MRPS27: variants seen among roughly 807,000 people sequenced by gnomAD.
MRPS27 encodes small ribosomal subunit protein mS27.
Under a neutral mutation model 48.9 loss-of-function variants are expected in MRPS27, and 43 were observed. The observed-to-expected ratio is 0.88, with a 90% confidence interval of 0.69 to 1.13. The LOEUF is 1.13. MRPS27 is among the 50% of genes most tolerant of loss of function. The pLI, the probability that MRPS27 is intolerant of heterozygous loss-of-function variation, is 0.00. For missense variants in MRPS27, 467 were observed against 476.3 expected, an observed-to-expected ratio of 0.98 and a Z score of 0.18; for synonymous variants, 188 against 171.9, an observed-to-expected ratio of 1.09 and a Z score of -0.73.
At chr5:72,226,332 C>T in intron 8 of MRPS27, 133 bp from the exon 9 acceptor site, 2 of 1,004,954 alleles carry the variant, frequency 2.0e-6, no homozygotes, top group Non-Finnish European at 2.9e-6. Flanking sequence ...TAAATCTGTA[C>T]CAACAGACTC....
At chr5:72,223,966 C>T in intron 9 of MRPS27, 116 bp from the exon 10 acceptor site, 2 of 1,000,512 alleles carry the variant, frequency 2.0e-6, no homozygotes, top group Non-Finnish European at 2.9e-6. Context: ...ACTGTGAAAA[C>T]ATTTCTCTTA....
In MRPS27 at chr5:72,238,067, G is replaced by C; in HGVS notation, c.343C>G (p.Gln115Glu). 1 of 1,613,576 alleles carries C rather than the reference G, an allele frequency of 6.2e-7. No homozygotes were observed. The highest frequency in any genetic ancestry group is 8.5e-7 in the Non-Finnish European group (1 of 1,179,680). ...RNWTIHTWIRQCLKYDAQDKA... is the reference protein window; with the variant it reads ...RNWTIHTWIRECLKYDAQDKA... ...TCTTGTGCATCATATTTTAGACACTGCCTAATCCAGGTGTGGATAGTCCAG... is the reference window on the plus strand; with the variant it reads ...TCTTGTGCATCATATTTTAGACACTCCCTAATCCAGGTGTGGATAGTCCAG... Residue 115 changes from glutamine to glutamate, a missense_variant, in exon 5 of 11, where the codon CAG (glutamine) becomes GAG (glutamate). Physicochemically the swap from Gln to Glu is conservative, Grantham distance 29 (BLOSUM62 2). Transcript: ENST00000261413.
At chr5:72,275,968 C>T (rs998127261) in intron 4 of MRPS27, among the ~76,000 whole-genome samples, 4 of 150,858 alleles carry the variant, frequency 2.7e-5, no homozygotes, top group African/African-American at 9.8e-5. Context: ...CTGTGGCGTG[C>T]CTGGGCATTT....
intron 5 of MRPS27, among the ~76,000 whole-genome samples, chr5:72,236,921 T>C (rs1352737667): frequency 7.0e-6 from 1 of 143,408 alleles, no homozygotes; most frequent in Non-Finnish European, 1.5e-5. Context: ...TTTTCTTTTT[T>C]CCTTTTTTTT....
At chr5:72,224,614 G>T (rs1388917907) in intron 9 of MRPS27, among the ~76,000 whole-genome samples, 1 of 152,168 alleles carries the variant, frequency 6.6e-6, no homozygotes, top group Non-Finnish European at 1.5e-5. Context: ...CTGGATACAG[G>T]CAAGGGTCCC....
rs376523728 is a variant in MRPS27 at position 72,246,339 on chromosome 5, A to G, written c.282-8211T>C. Among the ~76,000 whole-genome samples, 12 of 152,346 alleles carry G rather than the reference A, an allele frequency of 7.9e-5. No individual in the cohort carries two copies. In the South Asian group the frequency reaches 1.2e-3, roughly 16 times the overall value. On this transcript the variant is annotated intron_variant, in intron 4 of 10. Transcript: ENST00000261413. ...AAGATGGCAGAGGAAGTGGAGTAGT[A>G]TGTGGTCATTGTGGAAAGCCACCTA...
At chr5:72,230,373 G>C (rs899849346) in intron 7 of MRPS27, among the ~76,000 whole-genome samples, 3 of 152,154 alleles carry the variant, frequency 2.0e-5, no homozygotes, top group Non-Finnish European at 4.4e-5. Context: ...TAAAAGAGTT[G>C]TCTATACCTC....
intron 2 of MRPS27, among the ~76,000 whole-genome samples, chr5:72,309,103 C>T (rs1228808002): frequency 6.6e-6 from 1 of 151,796 alleles, no homozygotes; most frequent in East Asian, 1.9e-4. Flanking sequence ...AACATCGATT[C>T]TGACTGGAGA....
chr5:72,280,401 T>G (rs1338240454), intron 4 of MRPS27, among the ~76,000 whole-genome samples: 1 of 152,126 alleles, frequency 6.6e-6, no homozygotes, highest in Non-Finnish European at 1.5e-5. Context: ...TTTTCCTTTA[T>G]AAGTATTTTT....
intron 4 of MRPS27, among the ~76,000 whole-genome samples, chr5:72,284,982 G>A (rs559811097): frequency 6.6e-6 from 1 of 152,270 alleles, no homozygotes; most frequent in Admixed American, 6.5e-5. Flanking sequence ...ATTCCTAGAG[G>A]TGGAATTATT....
At position 72,232,611 on chromosome 5, in the gene MRPS27, C is replaced by T. The variant is rs73125466; in HGVS notation, c.476-53G>A. 6.6e-3 allele frequency: 8,130 copies of T among 1,237,178 alleles called. 303 individuals carry two copies. The African/African-American group carries it at 0.085, about 13-fold the overall frequency. 76.6% of individuals were successfully genotyped at this position (1,237,178 alleles called of 1,614,324 possible). On this transcript the variant is annotated intron_variant, in intron 6 of 10. Coordinates refer to ENST00000261413, the MANE Select transcript of MRPS27 (RefSeq NM_015084.3). The stretch of plus-strand genomic sequence containing the variant: ...AGGAAATTAGTTGTAGGTAATATTA[C>T]TAAATCTCTATTTAACTATAAACAC...
In MRPS27 at chr5:72,313,353, G is replaced by A. The variant is rs1750488356; in HGVS notation, c.151+728C>T. Among the ~76,000 whole-genome samples, 3 of 152,252 alleles carry A rather than the reference G, an allele frequency of 2.0e-5. 1 individual carries two copies. The South Asian group carries it at 6.2e-4, about 32-fold the overall frequency. On this transcript the variant is annotated intron_variant, in intron 2 of 10. Coordinates refer to ENST00000261413, the MANE Select transcript of MRPS27 (RefSeq NM_015084.3). Reference sequence around the variant, plus strand: ...TGGGGGAATATATTAGATCAGCATAGGAATTGATCCAAAAATTACATCAGT... The same window carrying A: ...TGGGGGAATATATTAGATCAGCATAAGAATTGATCCAAAAATTACATCAGT...
chr5:72,270,653 T>C (rs1561347573), intron 4 of MRPS27, among the ~76,000 whole-genome samples: 1 of 152,164 alleles, frequency 6.6e-6, no homozygotes, highest in East Asian at 1.9e-4. Context: ...TCCCAATACA[T>C]TTTGTGACAT....
At chr5:72,228,621 C>T in intron 7 of MRPS27, 2 of 334,656 alleles carry the variant, frequency 6.0e-6, no homozygotes, top group East Asian at 9.2e-5. Context: ...TGGTTTTATT[C>T]CCTGTATATC....
chr5:72,294,128 CTACT>C (rs1436939914), intron 4 of MRPS27, among the ~76,000 whole-genome samples: 2 of 151,792 alleles, frequency 1.3e-5, no homozygotes, highest in African/African-American at 2.4e-5. Context: ...GGAATCTAGC[CTACT>C]TGAGGTTTAC....
At chr5:72,295,433 TAGA>T in intron 4 of MRPS27, 95 bp downstream of exon 4, 3 of 832,962 alleles carry the variant, frequency 3.6e-6, no homozygotes, top group Non-Finnish European at 5.9e-6. Context: ...AATATAAACT[TAGA>T]AGGTGTCAAA....
At position 72,289,891 on chromosome 5, in the gene MRPS27, C is replaced by A. The variant is rs147120714; in HGVS notation, c.281+5640G>T. On this transcript the variant is annotated intron_variant, in intron 4 of 10. Transcript: ENST00000261413. ...TCATACATCTCTAAACTACCATGGT[C>A]CCAACATGATTCGAAGGCCTATGTA... Among the ~76,000 whole-genome samples the A allele has an allele frequency of 3.1e-3, 475 of 152,152 alleles. 2 individuals are homozygous for A. The highest frequency in any genetic ancestry group is 9.4e-3 in the African/African-American group (392 of 41,492).
Position 72,223,646 on chromosome 5 carries a change from T to G in MRPS27, c.1005+37A>C. ...CACCACAGGAGAGAAGTGTGTTTTA[T>G]GCGCTGCTAAGAGAGACACGTTCTG... is the stretch of plus-strand genomic sequence containing the variant. On this transcript the variant is annotated intron_variant, in intron 10 of 10. Coordinates refer to ENST00000261413, the MANE Select transcript of MRPS27 (RefSeq NM_015084.3). 7.5e-6 allele frequency: 12 copies of G among 1,610,028 alleles called. No homozygotes were observed. The South Asian group carries it at 1.3e-4, about 18-fold the overall frequency.
intron 6 of MRPS27, among the ~76,000 whole-genome samples, chr5:72,232,890 G>A (rs1748100795): frequency 6.6e-6 from 1 of 152,140 alleles, no homozygotes; most frequent in African/African-American, 2.4e-5. Flanking sequence ...CCTACTTCAA[G>A]AGAATTTTGG....
Sources: allele counts gnomAD v4.1 joint callset (sites outside exome capture counted in the v4.1 genomes callset), GRCh38; gene constraint gnomAD v4.1.1; transcripts MANE v1.5; gene names NCBI Gene and HGNC (gene_info 2026-07-23, HGNC 2026-07-21).